The following AFDN variants were observed in gnomAD, a reference collection of about 807,000 sequenced individuals.
AFDN encodes afadin.
Under a neutral mutation model 216.6 loss-of-function variants are expected in AFDN, and 68 were observed. That is an observed-to-expected ratio of 0.31 (90% CI 0.26 to 0.38). The LOEUF (loss-of-function observed/expected upper bound fraction) is 0.38. Among genes scored for constraint, AFDN ranks in the 10% least tolerant of loss-of-function variants. The pLI, the probability that AFDN is intolerant of heterozygous loss-of-function variation, is 1.00. For missense variants in AFDN, 2,136 were observed against 2,342.0 expected (o/e 0.91, Z 1.82); for synonymous variants, 868 against 853.7 (o/e 1.02, Z -0.29).
chr6:167,923,524 A>G (rs1015704508), intron 22 of AFDN, among the ~76,000 whole-genome samples: 4 of 151,848 alleles, frequency 2.6e-5, no homozygotes, highest in Non-Finnish European at 5.9e-5. Context: ...GCATCATATC[A>G]TGGCCATCTC....
At position 167,965,776 on chromosome 6, in the gene AFDN, A is replaced by G. The variant is rs1050645950; in HGVS notation, c.4988A>G (p.Tyr1663Cys). 1.4e-5 allele frequency: 22 copies of G among 1,557,140 alleles called. No homozygotes were observed. The highest frequency in any genetic ancestry group is 1.6e-5 in the Non-Finnish European group (19 of 1,153,158). ...AEEKRRQEEG[Y>C]YSRLEAERRR... ...CCGCAGAGGCGACAGGAAGAAGGGT[A>G]TTACAGCCGCCTGGAAGCCGAGAGG... The change falls in exon 32 of 34, where the codon TAT becomes TGT. Residue 1663 changes from tyrosine to cysteine, a missense_variant. Coordinates refer to ENST00000683244, the MANE Select transcript of AFDN (RefSeq NM_001386888.1).
Position 167,970,965 on chromosome 6 carries a change from ATGG to A in AFDN, c.*1031_*1033del, listed in dbSNP as rs1797982308. On this transcript the variant is annotated 3_prime_UTR_variant, in exon 34 of 34. Coordinates refer to ENST00000683244, the MANE Select transcript of AFDN (RefSeq NM_001386888.1). ...CTTAAATATTGTAAGAATAACTCAT[ATGG>A]AAGTTCAAGCTATTTTTATACTATA... 4.7e-6 allele frequency: 1 copy of A among 212,650 alleles called. No homozygotes were observed. Among genetic ancestry groups the A allele is most frequent in the Admixed American group, 5.9e-5 (1 of 16,996 alleles). 13.2% of individuals were successfully genotyped at this position (212,650 alleles called of 1,614,324 possible). A position where few individuals can be genotyped will look rare whatever the true frequency, so the allele number is the denominator to read the frequency against.
intron 5 of AFDN, 68 bp downstream of exon 5, chr6:167,875,563 C>A: frequency 6.6e-7 from 1 of 1,508,170 alleles, no homozygotes; most frequent in South Asian, 1.2e-5. Context: ...ACTGTACGTG[C>A]GTGAGACTTG....
intron 2 of AFDN, among the ~76,000 whole-genome samples, chr6:167,865,521 G>A (rs1784079381): frequency 6.6e-6 from 1 of 152,202 alleles, no homozygotes; most frequent in African/African-American, 2.4e-5. Flanking sequence ...GCTGAGGCAG[G>A]AGGATCACTT....
rs140679544 is a variant in AFDN at position 167,838,544 on chromosome 6, A to G, written c.105+11307A>G. Among the ~76,000 whole-genome samples the G allele has an allele frequency of 1.4e-3, 209 of 152,250 alleles. 3 individuals carry two copies. The highest frequency in any genetic ancestry group is 4.6e-3 in the African/African-American group (192 of 41,542). Reference sequence around the variant, plus strand: ...AGTTTTATTTACACATTAACTAGCAATTTTTCCCCAGATAACATTTGAATT... The same window carrying G: ...AGTTTTATTTACACATTAACTAGCAGTTTTTCCCCAGATAACATTTGAATT... On this transcript the variant is annotated intron_variant, in intron 1 of 33. Coordinates refer to ENST00000683244, the MANE Select transcript of AFDN (RefSeq NM_001386888.1).
chr6:167,837,575 A>C (rs1780587578), intron 1 of AFDN, among the ~76,000 whole-genome samples: 1 of 152,200 alleles, frequency 6.6e-6, no homozygotes, highest in African/African-American at 2.4e-5. Flanking sequence ...CATCACATGT[A>C]GTGAACACAT....
At chr6:167,914,577 G>A in intron 17 of AFDN, 67 bp from the exon 18 acceptor site, 2 of 1,190,620 alleles carry the variant, frequency 1.7e-6, no homozygotes, top group Admixed American at 1.9e-5. Context: ...TGTTTCCCAT[G>A]TGATAACATG....
chr6:167,946,320 G>A (rs551521411), intron 26 of AFDN, among the ~76,000 whole-genome samples: 13 of 152,334 alleles, frequency 8.5e-5, no homozygotes, highest in South Asian at 6.2e-4. Flanking sequence ...GAAGGCTCAC[G>A]TCACATGACG....
chr6:167,944,128 T>TGGAG (rs1418070210), intron 26 of AFDN, 69 bp downstream of exon 26: 6 of 1,222,252 alleles, frequency 4.9e-6, no homozygotes, highest in Non-Finnish European at 7.2e-6. Context: ...AAAACCCCCA[T>TGGAG]GGAGGAGGTA....
chr6:167,922,266 A>G (rs543672915), intron 21 of AFDN, among the ~76,000 whole-genome samples: 3 of 152,334 alleles, frequency 2.0e-5, no homozygotes, highest in African/African-American at 7.2e-5. Context: ...AAAATATCAG[A>G]GATATTCTTG....
At chr6:167,892,419 G>A (rs1351541013) in intron 8 of AFDN, among the ~76,000 whole-genome samples, 2 of 152,064 alleles carry the variant, frequency 1.3e-5, no homozygotes, top group Admixed American at 6.5e-5. Context: ...AAATTTTTTA[G>A]GCTCTTTTTT....
intron 6 of AFDN, among the ~76,000 whole-genome samples, chr6:167,885,471 T>C (rs1017968300): frequency 6.6e-6 from 1 of 152,184 alleles, no homozygotes; most frequent in African/African-American, 2.4e-5. Context: ...ATTTCAATGT[T>C]ATGTCTCATA....
chr6:167,955,150 A>G (rs1216515548), intron 30 of AFDN, among the ~76,000 whole-genome samples: 1 of 152,162 alleles, frequency 6.6e-6, no homozygotes, highest in Non-Finnish European at 1.5e-5. Context: ...CTGCTAGACA[A>G]TTATACTCTG....
intron 6 of AFDN, among the ~76,000 whole-genome samples, chr6:167,888,824 T>C (rs1296102194): frequency 1.3e-5 from 2 of 152,212 alleles, no homozygotes; most frequent in East Asian, 3.8e-4. Flanking sequence ...GAGCCCACTT[T>C]ATAAAAACAA....
intron 1 of AFDN, among the ~76,000 whole-genome samples, chr6:167,842,750 T>C (rs1467895524): frequency 6.6e-6 from 1 of 152,220 alleles, no homozygotes; most frequent in Non-Finnish European, 1.5e-5. Flanking sequence ...GGTGATGATT[T>C]ACCTATACTA....
chr6:167,912,737 TGTGAACTAGTCA>T (rs1287212925), intron 15 of AFDN, among the ~76,000 whole-genome samples: 1 of 152,210 alleles, frequency 6.6e-6, no homozygotes. Context: ...TCCTTATTGA[TGTGAACTAGTCA>T]GTGAAATCAC....
In AFDN at chr6:167,952,103, G is replaced by A; in HGVS notation, c.4749G>A (p.Lys1583=). The A allele has an allele frequency of 6.2e-7, 1 of 1,614,146 alleles. No individual in the cohort carries two copies. The change falls in exon 30 of 34, where the codon AAG becomes AAA. Residue 1583 remains lysine, a synonymous_variant. Coordinates refer to ENST00000683244, the MANE Select transcript of AFDN (RefSeq NM_001386888.1). ...FQKRLQESKQ[K]DEDDEEEEDD... Reference sequence around the variant, plus strand: ...AGAGACTCCAGGAGTCGAAGCAGAAGGACGAAGATGACGAGGAGGAGGAGG... The same window carrying A: ...AGAGACTCCAGGAGTCGAAGCAGAAAGACGAAGATGACGAGGAGGAGGAGG...
intron 26 of AFDN, among the ~76,000 whole-genome samples, chr6:167,946,404 C>G (rs1480061596): frequency 6.6e-6 from 1 of 151,880 alleles, no homozygotes; most frequent in Non-Finnish European, 1.5e-5. Context: ...ACATATATAT[C>G]TTTATTGATT....
At chr6:167,913,473 T>C (rs1192673307) in intron 16 of AFDN, 50 bp downstream of exon 16, 1 of 1,508,940 alleles carries the variant, frequency 6.6e-7, no homozygotes, top group East Asian at 2.5e-5. Flanking sequence ...TAGCCAAGTT[T>C]CTCATGCTGC....
Sources: gnomAD v4.1 joint callset for allele counts (sites outside exome capture counted in the v4.1 genomes callset) on GRCh38, gnomAD v4.1.1 for gene constraint, MANE v1.5 for transcripts, NCBI Gene and HGNC (gene_info 2026-07-23, HGNC 2026-07-21) for gene names.